LRTM2: variants seen among roughly 807,000 people sequenced by gnomAD.
LRTM2 encodes the protein leucine-rich repeat and transmembrane domain-containing protein 2.
LRTM2 carries 18 observed loss-of-function variants against 28.1 expected under a neutral mutation model. The ratio of observed to expected loss-of-function variants is 0.64; its 90% confidence interval spans 0.44 to 0.95. LRTM2 has a LOEUF of 0.95. LRTM2 is among the 40% of genes least tolerant of loss of function. The pLI, the probability that LRTM2 is intolerant of heterozygous loss-of-function variation, is 0.00. For missense variants in LRTM2, 436 were observed against 497.2 expected (o/e 0.88, Z 1.17); for synonymous variants, 250 against 218.7 (o/e 1.14, Z -1.26).
Position 1,829,829 on chromosome 12 carries a change from T to C in LRTM2, c.68-1106T>C, listed in dbSNP as rs1864539617. Among the ~76,000 whole-genome samples the C allele has an allele frequency of 6.6e-6, 1 of 151,992 alleles. No homozygotes were observed. The highest frequency in any genetic ancestry group is 2.4e-5 in the African/African-American group (1 of 41,402). On this transcript the variant is annotated intron_variant, in intron 3 of 4. Transcript: ENST00000299194. The surrounding 1 kb of genome is among the most constrained non-coding windows in gnomAD (Gnocchi z 4.2). Reference sequence around the variant, plus strand: ...TAGGCTGGGTGGAACTGACCTCGGCTGGGCTGACCTGGTGGGGCTGAACTA... The same window carrying C: ...TAGGCTGGGTGGAACTGACCTCGGCCGGGCTGACCTGGTGGGGCTGAACTA...
chr12:1,821,209 G>T (rs1260179811), intron 1 of LRTM2, among the ~76,000 whole-genome samples: 2 of 152,200 alleles, frequency 1.3e-5, no homozygotes, highest in Non-Finnish European at 2.9e-5. Context: ...GGGGGTCATG[G>T]GAAGCGGTTG....
At chr12:1,831,924 G>T (rs950356087) in intron 4 of LRTM2, among the ~76,000 whole-genome samples, 1 of 152,178 alleles carries the variant, frequency 6.6e-6, no homozygotes, top group Non-Finnish European at 1.5e-5. Flanking sequence ...GAAGGAGGGA[G>T]AAAAACAGCT....
In LRTM2 at chr12:1,828,201, G is replaced by A; in HGVS notation, c.53G>A (p.Trp18Ter). The A allele has an allele frequency of 1.9e-6, 3 of 1,546,788 alleles. No homozygotes were observed. The highest frequency in any genetic ancestry group is 2.6e-6 in the Non-Finnish European group (3 of 1,145,278). Residue 18 changes from tryptophan (W) to a stop codon, truncating the protein, a stop_gained, in exon 3 of 5, where the codon TGG (tryptophan) becomes TAG (stop). Coordinates refer to ENST00000299194, the MANE Select transcript of LRTM2 (RefSeq NM_001039029.3). LOFTEE classifies it high-confidence loss of function. This position sits in a 1 kb window ranked among gnomAD's most constrained non-coding sequence, Gnocchi z 4.2. Reference sequence around the variant, plus strand: ...CAGAGGGGCAGGCTCGCCCTGCAGTGGAGGCAAGTCTCCTGTGAGTACACC... The same window carrying A: ...CAGAGGGGCAGGCTCGCCCTGCAGTAGAGGCAAGTCTCCTGTGAGTACACC... ...PGQRGRLALQ[W>*]RQVSWITCWI...
rs550948799 is a variant in LRTM2, at chr12:1,836,611, G to C, written c.*1890G>C. On this transcript the variant is annotated 3_prime_UTR_variant, in exon 5 of 5. Transcript: ENST00000299194. ...GGCGTGTGGGCTGGTACCAGATCTGGGGATTTTCTAAAGGGACTGGGGGGA... is the reference window on the plus strand; with the variant it reads ...GGCGTGTGGGCTGGTACCAGATCTGCGGATTTTCTAAAGGGACTGGGGGGA... 6.5e-6 allele frequency: 1 copy of C among 152,718 alleles called. No individual in the cohort carries two copies. Among genetic ancestry groups the C allele is most frequent in the African/African-American group, 2.4e-5 (1 of 41,582 alleles). The allele number at this position is 152,718 out of a possible 1,614,324, so 9.5% of individuals were successfully genotyped here. A position where few individuals can be genotyped will look rare whatever the true frequency, so the allele number is the denominator to read the frequency against.
intron 1 of LRTM2, among the ~76,000 whole-genome samples, chr12:1,825,896 C>T (rs1339111379): frequency 3.3e-5 from 5 of 152,132 alleles, no homozygotes; most frequent in South Asian, 2.1e-4. Context: ...CTTGGGTGGC[C>T]GTGGACTGTG....
Position 1,835,770 on chromosome 12 carries a change from T to C in LRTM2, c.*1049T>C, listed in dbSNP as rs558181896. ...TCCTGAGGACCCAGCCACACACCAC[T>C]GGTGTTGCCTCGGTCCTGCCCACGC... On this transcript the variant is annotated 3_prime_UTR_variant, in exon 5 of 5. Transcript: ENST00000299194. The C allele has an allele frequency of 6.5e-6, 1 of 152,714 alleles. No homozygotes were observed. Among genetic ancestry groups the C allele is most frequent in the East Asian group, 1.9e-4 (1 of 5,196 alleles). The allele number at this position is 152,714 out of a possible 1,614,324, so 9.5% of individuals were successfully genotyped here. A position where few individuals can be genotyped will look rare whatever the true frequency, so the allele number is the denominator to read the frequency against.
intron 1 of LRTM2, among the ~76,000 whole-genome samples, chr12:1,822,765 G>A (rs1347603292): frequency 6.6e-6 from 1 of 152,206 alleles, no homozygotes; most frequent in Non-Finnish European, 1.5e-5. Flanking sequence ...TGGGGGTGAT[G>A]GGCAGCTGTC....
intron 1 of LRTM2, among the ~76,000 whole-genome samples, chr12:1,825,383 G>A (rs1240801895): frequency 6.6e-6 from 1 of 152,210 alleles, no homozygotes; most frequent in African/African-American, 2.4e-5. Flanking sequence ...GCAGACACCT[G>A]GATGGGGAAT....
Position 1,835,720 on chromosome 12 carries a change from G to T in LRTM2, c.*999G>T, listed in dbSNP as rs138747752. 972 of 152,806 alleles carry T rather than the reference G, an allele frequency of 6.4e-3. 3 individuals are homozygous for T. Among genetic ancestry groups the T allele is most frequent in the Non-Finnish European group, 8.5e-3 (578 of 68,100 alleles). The allele number at this position is 152,806 out of a possible 1,614,324, so 9.5% of individuals were successfully genotyped here. Reference sequence around the variant, plus strand: ...CCGGGATACCACCCAGGGGCCTGGAGCGGCTGCATGTGTGCATGGCGGCCT... The same window carrying T: ...CCGGGATACCACCCAGGGGCCTGGATCGGCTGCATGTGTGCATGGCGGCCT... On this transcript the variant is annotated 3_prime_UTR_variant, in exon 5 of 5. Coordinates refer to ENST00000299194, the MANE Select transcript of LRTM2 (RefSeq NM_001039029.3).
rs1406604307 is a variant in LRTM2, at chr12:1,834,936, G to A, written c.*215G>A. 2 of 838,740 alleles carry A rather than the reference G, an allele frequency of 2.4e-6. No homozygotes were observed. Among genetic ancestry groups the A allele is most frequent in the Admixed American group, 3.1e-5 (1 of 32,484 alleles). The allele number at this position is 838,740 out of a possible 1,614,324, so 52.0% of individuals were successfully genotyped here. The stretch of plus-strand genomic sequence containing the variant: ...GGGGCTCCTGCTGATGCTCCTGTCT[G>A]GGCCAGTAAATCTTTGGAACATGTG... On this transcript the variant is annotated 3_prime_UTR_variant, in exon 5 of 5. Coordinates refer to ENST00000299194, the MANE Select transcript of LRTM2 (RefSeq NM_001039029.3). The surrounding 1 kb of genome is among the most constrained non-coding windows in gnomAD (Gnocchi z 7.6).
intron 1 of LRTM2, among the ~76,000 whole-genome samples, chr12:1,826,396 C>T (rs1432701242): frequency 8.1e-6 from 1 of 123,688 alleles, no homozygotes; most frequent in Non-Finnish European, 1.6e-5. Context: ...GATTTGAACC[C>T]AGAGCCCCCC....
rs777755623 is a variant in LRTM2 at position 1,834,288 on chromosome 12, C to T, written c.680C>T (p.Ala227Val). The part of the protein sequence containing the change: ...SYRGGRLDQL[A>V]CTLPKELRGK... ...GTAGGGGGACGCTTGGACCAGCTTG[C>T]CTGCACCCTGCCCAAGGAGCTGAGG... The change falls in exon 5 of 5, where the codon GCC (alanine) becomes GTC (valine). Residue 227 changes from alanine (A) to valine (V), a missense_variant. Transcript: ENST00000299194. The surrounding 1 kb of genome is among the most constrained non-coding windows in gnomAD (Gnocchi z 7.6). 2 of 1,594,752 alleles carry T rather than the reference C, an allele frequency of 1.3e-6. No homozygotes were observed. The highest frequency in any genetic ancestry group is 2.2e-5 in the East Asian group (1 of 44,576).
rs115241784 is a variant in LRTM2, at chr12:1,828,925, C to T, written c.67+710C>T. 6.6e-6 allele frequency among the ~76,000 whole-genome samples: 1 copy of T among 152,360 alleles called. No homozygotes were observed. The highest frequency in any genetic ancestry group is 2.1e-4 in the South Asian group (1 of 4,826). On this transcript the variant is annotated intron_variant, in intron 3 of 4. Coordinates refer to ENST00000299194, the MANE Select transcript of LRTM2 (RefSeq NM_001039029.3). The surrounding 1 kb of genome is among the most constrained non-coding windows in gnomAD (Gnocchi z 4.2). ...AGGGACCAGGTCAGCAAGGGCTGGT[C>T]TGCCCAAGGCTACACGGTGGCAGGG...
rs145105218 is a variant in LRTM2 at position 1,830,403 on chromosome 12, A to G, written c.68-532A>G. Among the ~76,000 whole-genome samples the G allele has an allele frequency of 2.0e-4, 30 of 152,332 alleles. No homozygotes were observed. The South Asian group carries it at 3.5e-3, about 18-fold the overall frequency. Reference sequence around the variant, plus strand: ...GTTTTGTGCTCTCGCCTTTCCATACACAGCTCCAGAGTTGGGGTGGGCCAC... The same window carrying G: ...GTTTTGTGCTCTCGCCTTTCCATACGCAGCTCCAGAGTTGGGGTGGGCCAC... On this transcript the variant is annotated intron_variant, in intron 3 of 4. Coordinates refer to ENST00000299194, the MANE Select transcript of LRTM2 (RefSeq NM_001039029.3).
rs1864821105 is a variant in LRTM2, at chr12:1,835,511, G to GTCT, written c.*791_*793dup. ...AGCAGAGACATGCTCTTCCCCAGGG[G>GTCT]TCTCCCTGAGACCACAGAGCCTCTC... On this transcript the variant is annotated 3_prime_UTR_variant, in exon 5 of 5. Coordinates refer to ENST00000299194, the MANE Select transcript of LRTM2 (RefSeq NM_001039029.3). The GTCT allele has an allele frequency of 6.6e-6, 1 of 152,550 alleles. No individual in the cohort carries two copies. Among genetic ancestry groups the GTCT allele is most frequent in the Non-Finnish European group, 1.5e-5 (1 of 68,082 alleles). 9.4% of individuals were successfully genotyped at this position (152,550 alleles called of 1,614,324 possible).
chr12:1,836,468 G>A lies in LRTM2; in HGVS notation c.*1747G>A, dbSNP rs1048149056. 2.0e-4 allele frequency: 30 copies of A among 152,464 alleles called. No individual in the cohort carries two copies. Among genetic ancestry groups the A allele is most frequent in the African/African-American group, 6.8e-4 (28 of 41,474 alleles). The allele number at this position is 152,464 out of a possible 1,614,324, so 9.4% of individuals were successfully genotyped here. A position where few individuals can be genotyped will look rare whatever the true frequency, so the allele number is the denominator to read the frequency against. On this transcript the variant is annotated 3_prime_UTR_variant, in exon 5 of 5. Coordinates refer to ENST00000299194, the MANE Select transcript of LRTM2 (RefSeq NM_001039029.3). ...CAGTGGGTGGGTGAGGTGGGCTGGG[G>A]GCCTGGAGGAGTGCCTTTGAGGAGG...
chr12:1,824,387 T>G (rs11061988), intron 1 of LRTM2, among the ~76,000 whole-genome samples: 35,246 of 152,092 alleles, frequency 0.23, 6,320 homozygotes, highest in African/African-American at 0.49. Flanking sequence ...GTTGCAATGG[T>G]CTACACTCAA....
intron 3 of LRTM2, among the ~76,000 whole-genome samples, 187 bp from the exon 4 acceptor site, chr12:1,830,748 T>C (rs188907810): frequency 3.9e-5 from 6 of 152,228 alleles, no homozygotes; most frequent in African/African-American, 7.2e-5. Flanking sequence ...TGTCCATTAA[T>C]ATGGAAGTGG....
In LRTM2 at chr12:1,836,097, C is replaced by A. The variant is rs770164163; in HGVS notation, c.*1376C>A. On this transcript the variant is annotated 3_prime_UTR_variant, in exon 5 of 5. Transcript: ENST00000299194. ...CCAGGATGGGGCCTCTGTTCCCGGG[C>A]TTTGTCTGCTCAGTGTGGCTCCCTA... 6.6e-6 allele frequency: 1 copy of A among 152,316 alleles called. No homozygotes were observed. 9.4% of individuals were successfully genotyped at this position (152,316 alleles called of 1,614,324 possible). A position where few individuals can be genotyped will look rare whatever the true frequency, so the allele number is the denominator to read the frequency against.
Sources: gnomAD v4.1 joint callset for allele counts (sites outside exome capture counted in the v4.1 genomes callset) on GRCh38, gnomAD v4.1.1 for gene constraint, Gnocchi (gnomAD v3.1) non-coding constraint, MANE v1.5 for transcripts, NCBI Gene and HGNC (gene_info 2026-07-23, HGNC 2026-07-21) for gene names.